The following ASRGL1 variants were observed in gnomAD, a reference collection of about 807,000 sequenced individuals.
The protein encoded by ASRGL1 is isoaspartyl peptidase/L-asparaginase.
Under a neutral mutation model 22.4 loss-of-function variants are expected in ASRGL1, and 16 were observed. The ratio of observed to expected loss-of-function variants is 0.71; its 90% CI spans 0.48 to 1.08. The LOEUF (loss-of-function observed/expected upper bound fraction) is 1.08. Among genes scored for constraint, ASRGL1 ranks in the 50% least tolerant of loss-of-function variants. ASRGL1 has a pLI of 0.00. For missense variants in ASRGL1, 412 were observed against 410.1 expected (o/e 1.00, Z -0.04); for synonymous variants, 165 against 159.3 (o/e 1.04, Z -0.27).
intron 4 of ASRGL1, chr11:62,372,584 T>G (rs932599287): frequency 4.5e-6 from 4 of 886,216 alleles, no homozygotes; most frequent in Non-Finnish European, 7.7e-6. Flanking sequence ...AGATTCTGCC[T>G]GTACCAAATA....
intron 5 of ASRGL1, among the ~76,000 whole-genome samples, chr11:62,390,393 G>A (rs991694630): frequency 6.6e-6 from 1 of 152,176 alleles, no homozygotes; most frequent in Non-Finnish European, 1.5e-5. Flanking sequence ...CATGGGGGAC[G>A]GTACTAGGCT....
downstream of ASRGL1, among the ~76,000 whole-genome samples, chr11:62,395,759 CTTTTTTTTTTTTTT>C (rs564952668): frequency 0.17 from 11,952 of 72,198 alleles, 783 homozygotes; most frequent in Middle Eastern, 0.3. Flanking sequence ...GTAGCTGTTT[CTTTTTTTTTTTTTT>C]TTTTTTTTTT....
rs1946795648 is a variant in ASRGL1, at chr11:62,372,330, G to A, written c.491+15186G>A. On this transcript the variant is annotated intron_variant, in intron 4 of 6. Coordinates refer to ENST00000415229, the MANE Select transcript of ASRGL1 (RefSeq NM_001083926.2). ...GCAGCTGGGCCTTGGCAACTAGACAGACGCTGTCCCCAGCCCTGTGCAGAT... is the reference window on the plus strand; with the variant it reads ...GCAGCTGGGCCTTGGCAACTAGACAAACGCTGTCCCCAGCCCTGTGCAGAT... 2.5e-6 allele frequency: 4 copies of A among 1,594,554 alleles called. No individual in the cohort carries two copies. The South Asian group carries it at 3.3e-5, about 13-fold the overall frequency.
intron 4 of ASRGL1, among the ~76,000 whole-genome samples, chr11:62,365,807 C>T (rs964340551): frequency 1.3e-5 from 2 of 152,044 alleles, no homozygotes; most frequent in Non-Finnish European, 2.9e-5. Flanking sequence ...TGAGATGGCA[C>T]CACTGCATTT....
At chr11:62,378,606 C>T (rs181458492) in intron 4 of ASRGL1, among the ~76,000 whole-genome samples, 2 of 152,268 alleles carry the variant, frequency 1.3e-5, no homozygotes, top group African/African-American at 4.8e-5. Flanking sequence ...CCAGAGAGGG[C>T]AACCCGGGTT....
Position 62,356,909 on chromosome 11 carries a change from T to TCC in ASRGL1, c.334-78_334-77insCC. 4 of 1,469,992 alleles carry TCC rather than the reference T, an allele frequency of 2.7e-6. No homozygotes were observed. The East Asian group carries it at 6.9e-5, about 25-fold the overall frequency. The allele number at this position is 1,469,992 out of a possible 1,614,324, so 91.1% of individuals were successfully genotyped here. On this transcript the variant is annotated intron_variant, in intron 3 of 6. Coordinates refer to ENST00000415229, the MANE Select transcript of ASRGL1 (RefSeq NM_001083926.2). ...CTTTGCACCCAGAGAGAAGTAATTA[T>TCC]TTCAACACAGTTGGAACAGTTAAAA...
At chr11:62,375,467 TATATATATATA>T (rs1565169583) in intron 4 of ASRGL1, among the ~76,000 whole-genome samples, 1 of 95,846 alleles carries the variant, frequency 1.0e-5, no homozygotes, top group Non-Finnish European at 2.2e-5. Flanking sequence ...TATATATATA[TATATATATATA>T]TATTTCTTGG....
At chr11:62,375,284 C>T (rs1247587513) in intron 4 of ASRGL1, among the ~76,000 whole-genome samples, 1 of 151,510 alleles carries the variant, frequency 6.6e-6, no homozygotes, top group Non-Finnish European at 1.5e-5. Context: ...CGGCTGGGAA[C>T]GTGCTTGGCA....
chr11:62,338,206 G>T, intron 2 of ASRGL1, 39 bp downstream of exon 2: 1 of 1,481,782 alleles, frequency 6.7e-7, no homozygotes, highest in African/African-American at 1.4e-5. Context: ...TGTGAGTCAG[G>T]TCAAGCTCCT....
At chr11:62,361,693 G>A (rs1266614092) in intron 4 of ASRGL1, among the ~76,000 whole-genome samples, 2 of 151,820 alleles carry the variant, frequency 1.3e-5, no homozygotes, top group Middle Eastern at 3.2e-3. Context: ...TCACCATGTT[G>A]GCCAGGCTGG....
At position 62,372,094 on chromosome 11, in the gene ASRGL1, C is replaced by T. The variant is rs569627220; in HGVS notation, c.491+14950C>T. The T allele has an allele frequency of 3.5e-5, 27 of 774,308 alleles. No individual in the cohort carries two copies. The African/African-American group carries it at 4.4e-4, about 13-fold the overall frequency. 48.0% of individuals were successfully genotyped at this position (774,308 alleles called of 1,614,324 possible). ...TGGTCTCTGGCTCCTGTGCTGCACACAGCCTCCTCATCACCACAGAAGGAA... is the reference window on the plus strand; with the variant it reads ...TGGTCTCTGGCTCCTGTGCTGCACATAGCCTCCTCATCACCACAGAAGGAA... On this transcript the variant is annotated intron_variant, in intron 4 of 6. Coordinates refer to ENST00000415229, the MANE Select transcript of ASRGL1 (RefSeq NM_001083926.2).
intron 4 of ASRGL1, among the ~76,000 whole-genome samples, chr11:62,377,092 T>A (rs1946951283): frequency 6.6e-6 from 1 of 152,216 alleles, no homozygotes; most frequent in African/African-American, 2.4e-5. Context: ...ATTTTTTGCC[T>A]GTTTCCATGT....
intron 2 of ASRGL1, among the ~76,000 whole-genome samples, chr11:62,343,480 A>G (rs1450024625): frequency 6.6e-6 from 1 of 151,360 alleles, no homozygotes; most frequent in African/African-American, 2.4e-5. Flanking sequence ...CTGTAATCCC[A>G]GCACTTTGGG....
intron 6 of ASRGL1, 119 bp from the exon 7 acceptor site, chr11:62,391,960 A>T: frequency 8.5e-7 from 1 of 1,175,004 alleles, no homozygotes; most frequent in Non-Finnish European, 1.2e-6. Flanking sequence ...TTAAGCATTC[A>T]GGCGTTCATT....
intron 4 of ASRGL1, among the ~76,000 whole-genome samples, chr11:62,388,128 T>G (rs1416939523): frequency 6.6e-6 from 1 of 152,206 alleles, no homozygotes; most frequent in East Asian, 1.9e-4. Context: ...TCTAGGCAGT[T>G]GTCACACAAT....
chr11:62,389,433 G>C, intron 5 of ASRGL1, 182 bp downstream of exon 5: 1 of 699,262 alleles, frequency 1.4e-6, no homozygotes, highest in Non-Finnish European at 2.6e-6. Flanking sequence ...TGCCTTGAGA[G>C]GGTGTTTGTA....
chr11:62,381,231 C>G (rs1318458996), intron 4 of ASRGL1, among the ~76,000 whole-genome samples: 3 of 152,178 alleles, frequency 2.0e-5, no homozygotes, highest in Non-Finnish European at 4.4e-5. Context: ...ATCTGAACCG[C>G]TGGAAGAGGA....
chr11:62,379,715 C>T (rs565708072), intron 4 of ASRGL1, among the ~76,000 whole-genome samples: 4 of 152,258 alleles, frequency 2.6e-5, no homozygotes, highest in South Asian at 4.1e-4. Context: ...GCTACACTGC[C>T]GCTTGTGGCA....
chr11:62,385,693 C>G (rs1011520263), intron 4 of ASRGL1, among the ~76,000 whole-genome samples: 3 of 141,796 alleles, frequency 2.1e-5, no homozygotes, highest in African/African-American at 7.7e-5. Context: ...GGTGAAACCC[C>G]GTCTCTACTA....
Sources: allele counts gnomAD v4.1 joint callset (sites outside exome capture counted in the v4.1 genomes callset), GRCh38; gene constraint gnomAD v4.1.1; transcripts MANE v1.5; gene names NCBI Gene and HGNC (gene_info 2026-07-23, HGNC 2026-07-21).